The following KCNMA1 variants were observed in gnomAD, a reference collection of about 807,000 sequenced individuals.
KCNMA1 encodes the protein potassium calcium-activated channel subfamily M alpha 1.
Under a neutral mutation model 140.0 loss-of-function variants are expected in KCNMA1, and 29 were observed. That is an observed-to-expected ratio of 0.21 (90% CI 0.15 to 0.28). The LOEUF is 0.28. Ranked by LOEUF, KCNMA1 falls within the 10% of genes least tolerant of loss-of-function variation. The pLI, the probability that KCNMA1 is intolerant of heterozygous loss-of-function variation, is 1.00. For missense variants in KCNMA1, 880 were observed against 1,602.2 expected (o/e 0.55, Z 7.70); for synonymous variants, 612 against 611.9 (o/e 1.00, Z 0.00).
intron 5 of KCNMA1, among the ~76,000 whole-genome samples, chr10:77,163,799 G>C (rs758129483): frequency 6.6e-6 from 1 of 152,060 alleles, no homozygotes; most frequent in Non-Finnish European, 1.5e-5. Flanking sequence ...TCCTTTTTCT[G>C]CCCTGAGACA....
Position 76,887,295 on chromosome 10 carries a change from G to A in KCNMA1, c.3682C>T (p.Gln1228Ter). The A allele has an allele frequency of 6.2e-7, 1 of 1,614,148 alleles. No individual in the cohort carries two copies. Among genetic ancestry groups the A allele is most frequent in the Non-Finnish European group, 8.5e-7 (1 of 1,180,024 alleles). The change falls in exon 28 of 28, where the codon CAG becomes TAG. Residue 1228 changes from glutamine to a stop codon, truncating the protein, a stop_gained. Coordinates refer to ENST00000286628, the MANE Select transcript of KCNMA1 (RefSeq NM_001161352.2). LOFTEE classifies it high-confidence loss of function. Reference protein sequence around the residue: ...RPKSRESRDKQKYVQEERL With the variant: ...RPKSRESRDK ...AGCCGCTCTTCCTGCACGTACTTCT[G>A]TTTGTCCCGGGACTCCCTGGACTTG...
chr10:77,456,685 C>G (rs1280574579), intron 1 of KCNMA1, among the ~76,000 whole-genome samples: 2 of 152,194 alleles, frequency 1.3e-5, no homozygotes, highest in Non-Finnish European at 2.9e-5. Flanking sequence ...GCATCTAGAC[C>G]AGGATCCACA....
chr10:77,374,686 G>C (rs1224576743), intron 2 of KCNMA1, among the ~76,000 whole-genome samples: 4 of 152,196 alleles, frequency 2.6e-5, no homozygotes, highest in East Asian at 1.9e-4. Flanking sequence ...ACTTGCTGAT[G>C]CCTTGGTCTT....
At chr10:77,410,977 G>T (rs7910422) in intron 1 of KCNMA1, among the ~76,000 whole-genome samples, 1,714 of 152,306 alleles carry the variant, frequency 0.011, 28 homozygotes, top group African/African-American at 0.039. Context: ...CTGCATGAGG[G>T]AAAGAGTTTT....
chr10:77,352,188 A>G (rs2154387101), intron 2 of KCNMA1, among the ~76,000 whole-genome samples: 1 of 152,388 alleles, frequency 6.6e-6, no homozygotes, highest in Admixed American at 6.5e-5. Flanking sequence ...GGTTCTCTAT[A>G]GAATGAAAAA....
intron 1 of KCNMA1, among the ~76,000 whole-genome samples, chr10:77,597,696 C>T (rs973088810): frequency 5.3e-5 from 8 of 152,160 alleles, no homozygotes; most frequent in African/African-American, 1.9e-4. Context: ...CTGTCACATG[C>T]TCTGCTCTGT....
chr10:77,464,312 T>G (rs927360152), intron 1 of KCNMA1, among the ~76,000 whole-genome samples: 1 of 152,114 alleles, frequency 6.6e-6, no homozygotes, highest in Non-Finnish European at 1.5e-5. Flanking sequence ...AGAAAAACGT[T>G]TCCATTTTCT....
intron 10 of KCNMA1, among the ~76,000 whole-genome samples, chr10:77,087,961 ATATT>A (rs1298540738): frequency 4.0e-5 from 6 of 151,648 alleles, no homozygotes; most frequent in East Asian, 1.9e-4. Context: ...AAAATAAATA[ATATT>A]TATTTATTTT....
At chr10:76,874,526 C>T (rs2032002635), downstream of KCNMA1, 1 of 152,218 alleles carries the variant, frequency 6.6e-6, no homozygotes, top group Non-Finnish European at 1.5e-5. Context: ...GTAAATGTGG[C>T]TCTTGCACCC....
At chr10:77,260,424 G>T (rs896542700) in intron 2 of KCNMA1, among the ~76,000 whole-genome samples, 2 of 152,186 alleles carry the variant, frequency 1.3e-5, no homozygotes, top group Non-Finnish European at 2.9e-5. Flanking sequence ...GGGTTACAAA[G>T]ATGGCCCGGC....
At chr10:77,258,085 C>T (rs2061187343) in intron 2 of KCNMA1, among the ~76,000 whole-genome samples, 1 of 152,170 alleles carries the variant, frequency 6.6e-6, no homozygotes, top group Non-Finnish European at 1.5e-5. Flanking sequence ...CACCTAATCT[C>T]TCTGGGTCTA....
chr10:77,099,582 C>A (rs548081721), intron 9 of KCNMA1, among the ~76,000 whole-genome samples: 6 of 152,118 alleles, frequency 3.9e-5, no homozygotes, highest in African/African-American at 1.4e-4. Context: ...GGCATGGTGG[C>A]GTACGCCTGT....
At chr10:77,002,732 GAGA>G (rs1334723901) in intron 18 of KCNMA1, among the ~76,000 whole-genome samples, 2 of 152,152 alleles carry the variant, frequency 1.3e-5, no homozygotes, top group Non-Finnish European at 2.9e-5. Context: ...TTCAGTACAA[GAGA>G]AGGTTTTTGT....
chr10:77,100,405 T>A (rs994231485), intron 9 of KCNMA1, among the ~76,000 whole-genome samples: 2 of 152,134 alleles, frequency 1.3e-5, no homozygotes, highest in Admixed American at 6.5e-5. Flanking sequence ...TTCCAGCAAC[T>A]GGTACCCATA....
intron 1 of KCNMA1, among the ~76,000 whole-genome samples, chr10:77,409,840 G>GA (rs1219753163): frequency 1.3e-5 from 2 of 152,198 alleles, no homozygotes; most frequent in Non-Finnish European, 2.9e-5. Context: ...TCTGGACCAA[G>GA]TCCAACTTTT....
chr10:77,120,736 T>C (rs1382544567), intron 6 of KCNMA1, among the ~76,000 whole-genome samples: 2 of 152,114 alleles, frequency 1.3e-5, no homozygotes, highest in African/African-American at 4.8e-5. Flanking sequence ...CCTAAAAGTG[T>C]CCCTACTTCC....
intron 19 of KCNMA1, among the ~76,000 whole-genome samples, chr10:76,976,697 A>T (rs148760074): frequency 1.9e-4 from 29 of 152,222 alleles, no homozygotes; most frequent in African/African-American, 7.0e-4. Context: ...ACCTGTTAGA[A>T]TCATTGCCCA....
At chr10:77,413,366 C>A (rs567059498) in intron 1 of KCNMA1, among the ~76,000 whole-genome samples, 2 of 152,094 alleles carry the variant, frequency 1.3e-5, no homozygotes, top group Admixed American at 1.3e-4. Flanking sequence ...CCGTGTCCCC[C>A]CTCCCATGCC....
chr10:77,283,352 G>T (rs1015209655), intron 2 of KCNMA1, among the ~76,000 whole-genome samples: 5 of 152,204 alleles, frequency 3.3e-5, no homozygotes, highest in African/African-American at 1.2e-4. Context: ...GGAGAAGGAG[G>T]CAGGGTTTCA....
Sources: gnomAD v4.1 joint callset for allele counts (sites outside exome capture counted in the v4.1 genomes callset) on GRCh38, gnomAD v4.1.1 for gene constraint, MANE v1.5 for transcripts, NCBI Gene and HGNC (gene_info 2026-07-23, HGNC 2026-07-21) for gene names.